The following DCBLD1 variants were observed in gnomAD, a reference collection of about 807,000 sequenced individuals.
DCBLD1 encodes discoidin, CUB and LCCL domain containing 1.
DCBLD1 carries 57 observed loss-of-function variants against 71.5 expected under a neutral mutation model. The observed-to-expected ratio is 0.80, with a 90% CI of 0.64 to 0.99. The LOEUF (loss-of-function observed/expected upper bound fraction) is 0.99, where lower values mean the gene tolerates loss of function less well. Among genes scored for constraint, DCBLD1 ranks in the 50% least tolerant of loss-of-function variants. The pLI, the probability that DCBLD1 is intolerant of heterozygous loss-of-function variation, is 0.00. For synonymous variants in DCBLD1, 380 were observed against 363.8 expected (o/e 1.04, Z -0.51); for missense variants, 891 against 923.5 (o/e 0.96, Z 0.46).
At chr6:117,536,331 G>A (rs1311950133) in intron 6 of DCBLD1, among the ~76,000 whole-genome samples, 1 of 152,172 alleles carries the variant, frequency 6.6e-6, no homozygotes, top group Non-Finnish European at 1.5e-5. Flanking sequence ...CTAATGTTGA[G>A]GCCCCCAGAT....
chr6:117,500,981 A>G (rs535943602), intron 1 of DCBLD1, among the ~76,000 whole-genome samples: 1 of 93,194 alleles, frequency 1.1e-5, no homozygotes, highest in East Asian at 2.5e-4. Flanking sequence ...CTTATTTCAT[A>G]TTTAACTGTT....
At position 117,491,091 on chromosome 6, in the gene DCBLD1, C is replaced by G. The variant is rs184645403; in HGVS notation, c.112+8198C>G. Reference sequence around the variant, plus strand: ...AGATAAACATCTATGTGTTTGTTGCCTAACTTTTAAATGGCTGAGTGGATT... The same window carrying G: ...AGATAAACATCTATGTGTTTGTTGCGTAACTTTTAAATGGCTGAGTGGATT... On this transcript the variant is annotated intron_variant, in intron 1 of 14. Coordinates refer to ENST00000338728, the MANE Select transcript of DCBLD1 (RefSeq NM_001366458.2). 3.7e-3 allele frequency among the ~76,000 whole-genome samples: 567 copies of G among 152,182 alleles called. 6 individuals carry two copies. Among genetic ancestry groups the G allele is most frequent in the South Asian group, 0.029 (139 of 4,816 alleles).
intron 3 of DCBLD1, 128 bp downstream of exon 3, chr6:117,520,078 AC>A: frequency 7.0e-7 from 1 of 1,420,424 alleles, no homozygotes; most frequent in Non-Finnish European, 9.6e-7. Flanking sequence ...GAGAAGAGGA[AC>A]ATGGTATCTT....
chr6:117,484,836 T>A (rs1188466589), intron 1 of DCBLD1: 1 of 152,156 alleles, frequency 6.6e-6, no homozygotes, highest in Non-Finnish European at 1.5e-5. Context: ...TGTGTCAGAG[T>A]CTGGTGACCC....
chr6:117,546,872 A>G lies in DCBLD1; in HGVS notation c.1616-1035A>G, dbSNP rs557885538. On this transcript the variant is annotated intron_variant, in intron 14 of 14. Coordinates refer to ENST00000338728, the MANE Select transcript of DCBLD1 (RefSeq NM_001366458.2). ...TGCAGATGTCACCCGTTCCTCAGCA[A>G]CCACAATCGAATCCATTGTTCCTAA... is the stretch of plus-strand genomic sequence containing the variant. 2.8e-4 allele frequency among the ~76,000 whole-genome samples: 42 copies of G among 152,246 alleles called. No homozygotes were observed. The South Asian group carries it at 8.1e-3, about 29-fold the overall frequency.
chr6:117,500,845 A>G (rs571141565), intron 1 of DCBLD1, among the ~76,000 whole-genome samples: 3 of 152,344 alleles, frequency 2.0e-5, no homozygotes, highest in African/African-American at 7.2e-5. Context: ...CCTGGGCGAC[A>G]GAGTGAGACT....
At chr6:117,555,567 C>T (rs1464394951) in intron 14 of DCBLD1, among the ~76,000 whole-genome samples, 1 of 152,142 alleles carries the variant, frequency 6.6e-6, no homozygotes, top group African/African-American at 2.4e-5. Context: ...ACAGTATGCA[C>T]ACAAGCAAGA....
chr6:117,513,901 G>A (rs1778105151), intron 2 of DCBLD1, among the ~76,000 whole-genome samples: 2 of 118,952 alleles, frequency 1.7e-5, no homozygotes, highest in African/African-American at 3.2e-5. Context: ...TAAAAGTCAG[G>A]AGACCTTTGG....
chr6:117,535,892 A>G (rs1279001423), intron 6 of DCBLD1, among the ~76,000 whole-genome samples: 1 of 152,174 alleles, frequency 6.6e-6, no homozygotes, highest in Non-Finnish European at 1.5e-5. Context: ...CTAACTGTGA[A>G]CTTAGGCAAG....
chr6:117,504,059 C>T (rs548312200), intron 2 of DCBLD1, 80 bp downstream of exon 2: 76 of 1,438,814 alleles, frequency 5.3e-5, no homozygotes, highest in Admixed American at 1.6e-4. Flanking sequence ...TGTTAATTAA[C>T]GCTATATCAT....
intron 2 of DCBLD1, among the ~76,000 whole-genome samples, chr6:117,517,522 G>C (rs1041338299): frequency 6.6e-6 from 1 of 152,204 alleles, no homozygotes; most frequent in Non-Finnish European, 1.5e-5. Flanking sequence ...TAGGTACTCT[G>C]TGTGGGGGCT....
chr6:117,493,667 A>G (rs145189597), intron 1 of DCBLD1, among the ~76,000 whole-genome samples: 2 of 152,290 alleles, frequency 1.3e-5, no homozygotes, highest in East Asian at 3.9e-4. Flanking sequence ...CACCTCTAAG[A>G]TGGGTGACTT....
At chr6:117,523,218 G>C (rs1039173005) in intron 4 of DCBLD1, among the ~76,000 whole-genome samples, 1 of 152,200 alleles carries the variant, frequency 6.6e-6, no homozygotes, top group Non-Finnish European at 1.5e-5. Context: ...TATGGTGCCA[G>C]ATTATCTCAG....
intron 1 of DCBLD1, 133 bp downstream of exon 1, chr6:117,483,026 C>T (rs1278790785): frequency 4.1e-6 from 4 of 973,016 alleles, no homozygotes; most frequent in South Asian, 9.5e-5. Context: ...GGGAGGAAGT[C>T]GGGCTCGCCG....
chr6:117,565,527 T>A (rs947164156), intron 14 of DCBLD1, among the ~76,000 whole-genome samples: 2 of 152,206 alleles, frequency 1.3e-5, no homozygotes, highest in African/African-American at 4.8e-5. Flanking sequence ...TACTGGTGAT[T>A]TGAAAAATAT....
intron 1 of DCBLD1, among the ~76,000 whole-genome samples, chr6:117,491,353 C>G (rs926958129): frequency 6.6e-6 from 1 of 152,128 alleles, no homozygotes; most frequent in East Asian, 1.9e-4. Context: ...TTTTGGGATC[C>G]CTGGAAAGCT....
chr6:117,504,795 T>C (rs1185544690), intron 2 of DCBLD1, among the ~76,000 whole-genome samples: 1 of 152,202 alleles, frequency 6.6e-6, no homozygotes, highest in African/African-American at 2.4e-5. Context: ...TTGAAAACGA[T>C]AACAAAATCT....
intron 1 of DCBLD1, among the ~76,000 whole-genome samples, chr6:117,497,350 T>C (rs1351483951): frequency 6.6e-6 from 1 of 152,220 alleles, no homozygotes; most frequent in African/African-American, 2.4e-5. Context: ...TTATTTTGCT[T>C]TTCTTTTAGT....
chr6:117,516,276 G>A (rs1200632732), intron 2 of DCBLD1, among the ~76,000 whole-genome samples: 3 of 151,606 alleles, frequency 2.0e-5, no homozygotes, highest in East Asian at 3.9e-4. Flanking sequence ...CAGGAGAATG[G>A]TGTGAACCCA....
Sources: gnomAD v4.1 joint callset for allele counts (sites outside exome capture counted in the v4.1 genomes callset) on GRCh38, gnomAD v4.1.1 for gene constraint, MANE v1.5 for transcripts, NCBI Gene and HGNC (gene_info 2026-07-23, HGNC 2026-07-21) for gene names.